Variants in PTPRS observed in about 807,000 individuals in gnomAD.
PTPRS encodes protein tyrosine phosphatase receptor type S.
A neutral mutation model predicts 215.3 loss-of-function variants in PTPRS; 63 were observed. The observed-to-expected ratio is 0.29, with a 90% CI of 0.24 to 0.36. The LOEUF is 0.36. Among genes scored for constraint, PTPRS ranks in the 10% least tolerant of loss-of-function variants. PTPRS has a pLI of 1.00. For missense variants in PTPRS, 2,258 were observed against 2,825.8 expected (o/e 0.80, Z 4.56); for synonymous variants, 1,404 against 1,191.4 (o/e 1.18, Z -3.68).
At chr19:5,328,275 G>C (rs903329588) in intron 1 of PTPRS, among the ~76,000 whole-genome samples, 12 of 152,050 alleles carry the variant, frequency 7.9e-5, no homozygotes, top group African/African-American at 2.9e-4. Flanking sequence ...CACCACCACG[G>C]CCAGCTGTAT....
At chr19:5,240,469 C>T (rs1453629080) in intron 11 of PTPRS, 137 bp from the exon 12 acceptor site, 19 of 834,284 alleles carry the variant, frequency 2.3e-5, no homozygotes, top group Middle Eastern at 3.7e-4. Flanking sequence ...CTGGGGACCT[C>T]GCCCCCATCC....
At chr19:5,297,103 C>T (rs974366094) in intron 1 of PTPRS, among the ~76,000 whole-genome samples, 4 of 152,152 alleles carry the variant, frequency 2.6e-5, no homozygotes, top group Non-Finnish European at 5.9e-5. Flanking sequence ...GCCCCGCCTA[C>T]TCCGTGCCCT....
intron 12 of PTPRS, among the ~76,000 whole-genome samples, chr19:5,239,975 A>G (rs893853416): frequency 2.6e-5 from 4 of 152,166 alleles, no homozygotes; most frequent in Non-Finnish European, 5.9e-5. Context: ...AACCAGAGAG[A>G]GGCCGCCAGC....
At position 5,249,106 on chromosome 19, in the gene PTPRS, T is replaced by A. The variant is rs1396954226; in HGVS notation, c.719-3061A>T. Among the ~76,000 whole-genome samples the A allele has an allele frequency of 2.6e-5, 4 of 151,580 alleles. No individual in the cohort carries two copies. The East Asian group carries it at 7.8e-4, about 29-fold the overall frequency. On this transcript the variant is annotated intron_variant, in intron 9 of 37. Transcript: ENST00000262963. ...CAGGTGGATCACCTGAGATCAAGAG[T>A]TGGAGACCAGCCTGGCCAACATGGC...
intron 9 of PTPRS, among the ~76,000 whole-genome samples, chr19:5,253,832 A>G (rs1051974088): frequency 6.6e-6 from 1 of 152,186 alleles, no homozygotes; most frequent in Non-Finnish European, 1.5e-5. Flanking sequence ...TGAATCCTTT[A>G]TTTACAACAA....
At position 5,257,921 on chromosome 19, in the gene PTPRS, C is replaced by T. The variant is rs1247114435; in HGVS notation, c.706+96G>A. 11 of 1,054,668 alleles carry T rather than the reference C, an allele frequency of 1.0e-5. No homozygotes were observed. The African/African-American group carries it at 1.3e-4, about 12-fold the overall frequency. The allele number at this position is 1,054,668 out of a possible 1,614,324, so 65.3% of individuals were successfully genotyped here. ...GGAGGGGCCTTCCTGCTTGGGTGTG[C>T]AGGGGACGGGGGAGCCCGGAGGCGG... On this transcript the variant is annotated intron_variant, in intron 8 of 37. Transcript: ENST00000262963. This position sits in a 1 kb window ranked among gnomAD's most constrained non-coding sequence, Gnocchi z 4.4.
At chr19:5,241,626 C>T (rs1332048734) in intron 11 of PTPRS, among the ~76,000 whole-genome samples, 1 of 151,834 alleles carries the variant, frequency 6.6e-6, no homozygotes, top group East Asian at 1.9e-4. Context: ...TCTGTATCCG[C>T]TCACAGACAT....
rs1466074816 is a variant in PTPRS at position 5,210,696 on chromosome 19, G to A, written c.5344C>T (p.Leu1782=). The A allele has an allele frequency of 6.2e-7, 1 of 1,614,066 alleles. No homozygotes were observed. Among genetic ancestry groups the A allele is most frequent in the Non-Finnish European group, 8.5e-7 (1 of 1,180,050 alleles). ...TAGCTCACCCGGCCCATCTCCCGCA[G>A]CTTGGTCAGCATCACCACGATCGTC... ...NSTIVVMLTK[L]REMGREKCHQ... Residue 1782 remains leucine (L), a synonymous_variant, in exon 34 of 38, where the codon CTG becomes TTG. Transcript: ENST00000262963. The surrounding 1 kb of genome is among the most constrained non-coding windows in gnomAD (Gnocchi z 4.5).
rs1337231165 is a variant in PTPRS at position 5,237,896 on chromosome 19, C to T, written c.1849+1023G>A. Among the ~76,000 whole-genome samples the T allele has an allele frequency of 1.3e-5, 2 of 150,698 alleles. No individual in the cohort carries two copies. Among genetic ancestry groups the T allele is most frequent in the African/African-American group, 2.4e-5 (1 of 41,396 alleles). The stretch of plus-strand genomic sequence containing the variant: ...CTCCGAGGCGCCCCACCCCCCCGAT[C>T]CCAGCGGCTCAGATGCCCCGGCTGG... On this transcript the variant is annotated intron_variant, in intron 13 of 37. Coordinates refer to ENST00000262963, the MANE Select transcript of PTPRS (RefSeq NM_002850.4). This position sits in a 1 kb window ranked among gnomAD's most constrained non-coding sequence, Gnocchi z 4.2.
intron 1 of PTPRS, among the ~76,000 whole-genome samples, chr19:5,336,710 G>T (rs552183873): frequency 6.7e-6 from 1 of 148,972 alleles, no homozygotes; most frequent in African/African-American, 2.5e-5. Flanking sequence ...ATCCTGCGAG[G>T]AACAGCAGTT....
chr19:5,224,571 A>G lies in PTPRS; in HGVS notation c.2494+1156T>C, dbSNP rs112235287. On this transcript the variant is annotated intron_variant, in intron 17 of 37. Transcript: ENST00000262963. ...AAGAAGGGGGAAAGCTGGGCTGTATACATGAAAATGGACTTCTCTACTGCA... is the reference window on the plus strand; with the variant it reads ...AAGAAGGGGGAAAGCTGGGCTGTATGCATGAAAATGGACTTCTCTACTGCA... 1.4e-3 allele frequency among the ~76,000 whole-genome samples: 217 copies of G among 152,344 alleles called. 1 individual carries two copies. Among genetic ancestry groups the G allele is most frequent in the African/African-American group, 3.1e-3 (127 of 41,576 alleles).
At chr19:5,227,088 C>T (rs1681030287) in intron 16 of PTPRS, among the ~76,000 whole-genome samples, 1 of 152,086 alleles carries the variant, frequency 6.6e-6, no homozygotes, top group African/African-American at 2.4e-5. Flanking sequence ...CACCCTGTCG[C>T]CCAGGCTGGA....
intron 1 of PTPRS, among the ~76,000 whole-genome samples, chr19:5,297,464 T>C (rs551026281): frequency 5.9e-5 from 9 of 152,294 alleles, no homozygotes; most frequent in African/African-American, 2.2e-4. Context: ...GTAAGCATGA[T>C]GGAACCAGCA....
intron 1 of PTPRS, among the ~76,000 whole-genome samples, chr19:5,321,906 G>GTAC (rs1418277074): frequency 6.6e-6 from 1 of 151,542 alleles, no homozygotes; most frequent in Non-Finnish European, 1.5e-5. Flanking sequence ...TTCCACATAG[G>GTAC]TAAGCTGAGG....
Position 5,237,917 on chromosome 19 carries a change from G to A in PTPRS, c.1849+1002C>T, listed in dbSNP as rs2043619646. ...CGATCCCAGCGGCTCAGATGCCCCG[G>A]CTGGAGTTGATGTTAACCCTTCGAC... On this transcript the variant is annotated intron_variant, in intron 13 of 37. Coordinates refer to ENST00000262963, the MANE Select transcript of PTPRS (RefSeq NM_002850.4). The surrounding 1 kb of genome is among the most constrained non-coding windows in gnomAD (Gnocchi z 4.2). 6.6e-6 allele frequency among the ~76,000 whole-genome samples: 1 copy of A among 152,136 alleles called. No individual in the cohort carries two copies. Among genetic ancestry groups the A allele is most frequent in the Non-Finnish European group, 1.5e-5 (1 of 68,012 alleles).
intron 18 of PTPRS, 94 bp downstream of exon 18, chr19:5,222,595 A>G (rs1449426829): frequency 4.7e-6 from 6 of 1,275,108 alleles, no homozygotes; most frequent in Non-Finnish European, 6.1e-6. Flanking sequence ...CAGAAAAGTG[A>G]GCACTTACCT....
At position 5,244,063 on chromosome 19, in the gene PTPRS, G is replaced by A. The variant is rs766316020; in HGVS notation, c.1408C>T (p.His470Tyr). Residue 470 changes from histidine (H) to tyrosine (Y), a missense_variant, in exon 11 of 38, where the codon CAC (histidine) becomes TAC (tyrosine). Physicochemically the swap from His to Tyr is moderately conservative, Grantham distance 83. Coordinates refer to ENST00000262963, the MANE Select transcript of PTPRS (RefSeq NM_002850.4). This position sits in a 1 kb window ranked among gnomAD's most constrained non-coding sequence, Gnocchi z 7.2. The stretch of plus-strand genomic sequence containing the variant: ...TGCTTCTGCCAGTTGCCCACGGGGT[G>A]CTCCGGTTCCATGGTGTAGTAGACG... ...YRVYYTMEPE[H>Y]PVGNWQKHNV... is the part of the protein sequence containing the mutation. The A allele has an allele frequency of 6.2e-7, 1 of 1,610,730 alleles. No individual in the cohort carries two copies. Among genetic ancestry groups the A allele is most frequent in the South Asian group, 1.1e-5 (1 of 91,068 alleles).
intron 1 of PTPRS, among the ~76,000 whole-genome samples, chr19:5,330,095 A>T (rs1434061948): frequency 6.6e-6 from 1 of 151,792 alleles, no homozygotes; most frequent in African/African-American, 2.4e-5. Context: ...AAAAAAAAAA[A>T]ATTATTAAGA....
Position 5,253,751 on chromosome 19 carries a change from G to C in PTPRS, c.718+2357C>G, listed in dbSNP as rs537702621. ...CATATGCCATCTTATTCAAACAGTG[G>C]ACATGTGAAGTACATAACAGGGAAA... is the stretch of plus-strand genomic sequence containing the variant. On this transcript the variant is annotated intron_variant, in intron 9 of 37. Transcript: ENST00000262963. Among the ~76,000 whole-genome samples, 162 of 152,292 alleles carry C rather than the reference G, an allele frequency of 1.1e-3. 1 individual carries two copies. Among genetic ancestry groups the C allele is most frequent in the African/African-American group, 3.8e-3 (159 of 41,544 alleles).
Sources: allele counts gnomAD v4.1 joint callset (sites outside exome capture counted in the v4.1 genomes callset), GRCh38; gene constraint gnomAD v4.1.1; non-coding constraint Gnocchi (gnomAD v3.1); transcripts MANE v1.5; gene names NCBI Gene and HGNC (gene_info 2026-07-23, HGNC 2026-07-21).